IGSF3: variants seen among roughly 807,000 people sequenced by gnomAD.
IGSF3 encodes glu-Trp-Ile EWI motif-containing protein 3.
A neutral mutation model predicts 114.4 loss-of-function variants in IGSF3; 23 were observed. That is an observed-to-expected ratio of 0.20 (90% CI 0.14 to 0.28). The LOEUF (loss-of-function observed/expected upper bound fraction) is 0.28. Ranked by LOEUF, IGSF3 falls within the 10% of genes least tolerant of loss-of-function variation. The pLI is 1.00. For synonymous variants in IGSF3, 571 were observed against 645.2 expected, an observed-to-expected ratio of 0.88 and a Z score of 1.74; for missense variants, 1,172 against 1,591.5, an observed-to-expected ratio of 0.74 and a Z score of 4.48.
chr1:116,577,506 A>G lies in IGSF3; in HGVS notation c.3391T>C (p.Phe1131Leu). The G allele has an allele frequency of 6.2e-7, 1 of 1,614,156 alleles. No individual in the cohort carries two copies. The highest frequency in any genetic ancestry group is 8.5e-7 in the Non-Finnish European group (1 of 1,180,002). ...SNDALFYFVF[F>L]YPFPIFGILI... ...ATGCCAAAGATGGGGAAAGGGTAGAAGAAGACGAAGTAGAAGAGTGCGTCG... is the reference window on the plus strand; with the variant it reads ...ATGCCAAAGATGGGGAAAGGGTAGAGGAAGACGAAGTAGAAGAGTGCGTCG... The change falls in exon 11 of 11, where the codon TTC (phenylalanine) becomes CTC (leucine). Residue 1131 changes from phenylalanine to leucine, a missense_variant. Phe to Leu is a conservative substitution (Grantham distance 22). This residue lies in a region of IGSF3 where 423 missense variants were observed against 509.8 expected (regional missense o/e 0.83). Transcript: ENST00000369486. This position sits in a 1 kb window ranked among gnomAD's most constrained non-coding sequence, Gnocchi z 5.7.
rs534085520 is a variant in IGSF3 at position 116,634,294 on chromosome 1, A to G, written c.44-17837T>C. On this transcript the variant is annotated intron_variant, in intron 2 of 10. Coordinates refer to ENST00000369486, the MANE Select transcript of IGSF3 (RefSeq NM_001007237.3). The surrounding 1 kb of genome is among the most constrained non-coding windows in gnomAD (Gnocchi z 4.2). ...ATTTCTCCTAATAAAACGCTGTTTA[A>G]AAATCTAAGAGGAAAAAAGGGTAGG... is the stretch of plus-strand genomic sequence containing the variant. Among the ~76,000 whole-genome samples, 1 of 152,378 alleles carries G rather than the reference A, an allele frequency of 6.6e-6. No homozygotes were observed. Among genetic ancestry groups the G allele is most frequent in the Admixed American group, 6.5e-5 (1 of 15,308 alleles).
rs1416887127 is a variant in IGSF3, at chr1:116,577,325, C to T, written c.3572G>A (p.Gly1191Glu). ...LEPPVLSIHP[G>E]AID ...GGCATCACCCGCTTAGTCTATGGCC[C>T]CTGGATGGATACTGAGAACAGGGGG... The change falls in exon 11 of 11, where the codon GGG (glycine) becomes GAG (glutamate). Residue 1191 changes from glycine (G) to glutamate (E), a missense_variant. By Grantham distance (98) the Gly-to-Glu change is moderately conservative. Transcript: ENST00000369486. This position sits in a 1 kb window ranked among gnomAD's most constrained non-coding sequence, Gnocchi z 5.7. 2.5e-6 allele frequency: 4 copies of T among 1,613,898 alleles called. No homozygotes were observed. The highest frequency in any genetic ancestry group is 3.3e-5 in the Admixed American group (2 of 60,016).
At position 116,615,017 on chromosome 1, in the gene IGSF3, A is replaced by G. The variant is rs1406121660; in HGVS notation, c.422-842T>C. On this transcript the variant is annotated intron_variant, in intron 3 of 10. Coordinates refer to ENST00000369486, the MANE Select transcript of IGSF3 (RefSeq NM_001007237.3). The surrounding 1 kb of genome is among the most constrained non-coding windows in gnomAD (Gnocchi z 4.3). ...CGGCCAAGTGCGGTGGCTCACACCT[A>G]TAATCCCAACACTTTGGGAGGGTGA... 6.6e-6 allele frequency among the ~76,000 whole-genome samples: 1 copy of G among 151,882 alleles called. No homozygotes were observed. The highest frequency in any genetic ancestry group is 1.5e-5 in the Non-Finnish European group (1 of 67,978).
Position 116,608,326 on chromosome 1 carries a change from C to T in IGSF3, c.838G>A (p.Glu280Lys), listed in dbSNP as rs1660878014. Residue 280 changes from glutamate (E) to lysine (K), a missense_variant, in exon 5 of 11, where the codon GAA becomes AAA. Glu to Lys is a moderately conservative substitution (Grantham distance 56). Transcript: ENST00000369486. ...AVVNVQPTDK[E>K]FTVRLETEKR... ...TCTGTCTCCAGCCGAACAGTGAATTCTTTGTCTGAGAGAACAAGTAAGAAA... is the reference window on the plus strand; with the variant it reads ...TCTGTCTCCAGCCGAACAGTGAATTTTTTGTCTGAGAGAACAAGTAAGAAA... The T allele has an allele frequency of 6.2e-7, 1 of 1,611,972 alleles. No individual in the cohort carries two copies. Among genetic ancestry groups the T allele is most frequent in the Admixed American group, 1.7e-5 (1 of 59,868 alleles).
At chr1:116,619,115 T>G (rs1367631864) in intron 2 of IGSF3, among the ~76,000 whole-genome samples, 1 of 152,196 alleles carries the variant, frequency 6.6e-6, no homozygotes, top group African/African-American at 2.4e-5. Context: ...AGTGCTCAAA[T>G]GAAATATCTT....
intron 2 of IGSF3, among the ~76,000 whole-genome samples, chr1:116,617,933 CT>C (rs1442894348): frequency 4.6e-5 from 7 of 152,254 alleles, no homozygotes; most frequent in Non-Finnish European, 5.9e-5. Flanking sequence ...GATAGCTTCC[CT>C]TTTCCCCCAC....
In IGSF3 at chr1:116,588,651, A is replaced by G. The variant is rs575519865; in HGVS notation, c.2440+43T>C. On this transcript the variant is annotated intron_variant, in intron 8 of 10. Coordinates refer to ENST00000369486, the MANE Select transcript of IGSF3 (RefSeq NM_001007237.3). This position sits in a 1 kb window ranked among gnomAD's most constrained non-coding sequence, Gnocchi z 4.9. ...CCACCCACCCCCAGGCAGTCTCTGC[A>G]CTAAACCCACTGGCCCAGGACAGCC... The G allele has an allele frequency of 5.6e-6, 8 of 1,425,054 alleles. No homozygotes were observed. The East Asian group carries it at 1.8e-4, about 33-fold the overall frequency. The allele number at this position is 1,425,054 out of a possible 1,614,324, so 88.3% of individuals were successfully genotyped here.
At position 116,626,583 on chromosome 1, in the gene IGSF3, T is replaced by C. The variant is rs577592098; in HGVS notation, c.44-10126A>G. On this transcript the variant is annotated intron_variant, in intron 2 of 10. Coordinates refer to ENST00000369486, the MANE Select transcript of IGSF3 (RefSeq NM_001007237.3). ...AATTTGTACAATCCCCAGCTTCTCT[T>C]ATCCATGACCATTGAAACCCCAGGG... is the stretch of plus-strand genomic sequence containing the variant. Among the ~76,000 whole-genome samples, 50 of 152,186 alleles carry C rather than the reference T, an allele frequency of 3.3e-4. 1 individual carries two copies. Among genetic ancestry groups the C allele is most frequent in the Admixed American group, 2.0e-4 (3 of 15,284 alleles).
chr1:116,613,264 G>C (rs1375037606), intron 4 of IGSF3, among the ~76,000 whole-genome samples: 1 of 152,136 alleles, frequency 6.6e-6, no homozygotes, highest in Non-Finnish European at 1.5e-5. Context: ...ACTATTATTA[G>C]ATAAAAAATA....
In IGSF3 at chr1:116,662,259, C is replaced by T. The variant is rs143502833; in HGVS notation, c.43+4025G>A. Among the ~76,000 whole-genome samples, 1,041 of 152,052 alleles carry T rather than the reference C, an allele frequency of 6.8e-3. 12 individuals are homozygous for T. The highest frequency in any genetic ancestry group is 0.024 in the African/African-American group (976 of 41,450). ...CTAATTTTTGTATTTTTAGTACAGA[C>T]GGTGTTTCACCATGTTGGCCAGGCT... is the stretch of plus-strand genomic sequence containing the variant. On this transcript the variant is annotated intron_variant, in intron 2 of 10. Transcript: ENST00000369486. This position sits in a 1 kb window ranked among gnomAD's most constrained non-coding sequence, Gnocchi z 4.3.
chr1:116,664,054 C>A lies in IGSF3; in HGVS notation c.43+2230G>T, dbSNP rs774214329. Among the ~76,000 whole-genome samples, 1 of 152,200 alleles carries A rather than the reference C, an allele frequency of 6.6e-6. No homozygotes were observed. Among genetic ancestry groups the A allele is most frequent in the African/African-American group, 2.4e-5 (1 of 41,456 alleles). ...TTGCTCCCTCCCCAAACGCCTTCTA[C>A]CTCTCCCAGATTAGTAAAGTAGTAG... On this transcript the variant is annotated intron_variant, in intron 2 of 10. Coordinates refer to ENST00000369486, the MANE Select transcript of IGSF3 (RefSeq NM_001007237.3). This position sits in a 1 kb window ranked among gnomAD's most constrained non-coding sequence, Gnocchi z 4.6.
chr1:116,623,567 G>A (rs1661483015), intron 2 of IGSF3, among the ~76,000 whole-genome samples: 1 of 152,072 alleles, frequency 6.6e-6, no homozygotes, highest in African/African-American at 2.4e-5. Context: ...ACGCTATCAG[G>A]AGGCTGAGGC....
In IGSF3 at chr1:116,588,167, A is replaced by C. The variant is rs1419517547; in HGVS notation, c.2440+527T>G. 6.6e-6 allele frequency among the ~76,000 whole-genome samples: 1 copy of C among 152,098 alleles called. No individual in the cohort carries two copies. The highest frequency in any genetic ancestry group is 1.5e-5 in the Non-Finnish European group (1 of 67,996). ...AGAGGTTGAGTGCCACCTGTGAGGG[A>C]GAGGAATAAGGGCTACACCATGGGA... On this transcript the variant is annotated intron_variant, in intron 8 of 10. Coordinates refer to ENST00000369486, the MANE Select transcript of IGSF3 (RefSeq NM_001007237.3). This position sits in a 1 kb window ranked among gnomAD's most constrained non-coding sequence, Gnocchi z 4.9.
rs1313674372 is a variant in IGSF3, at chr1:116,598,681, C to A, written c.2029+1260G>T. 1.3e-5 allele frequency among the ~76,000 whole-genome samples: 2 copies of A among 152,220 alleles called. No homozygotes were observed. Among genetic ancestry groups the A allele is most frequent in the African/African-American group, 2.4e-5 (1 of 41,454 alleles). On this transcript the variant is annotated intron_variant, in intron 7 of 10. Coordinates refer to ENST00000369486, the MANE Select transcript of IGSF3 (RefSeq NM_001007237.3). This position sits in a 1 kb window ranked among gnomAD's most constrained non-coding sequence, Gnocchi z 4.3. ...AGAAAAATCCCTTTGGCAAGGCGTT[C>A]CAGCCATCTTTGCAAAGTCAAACCC...
In IGSF3 at chr1:116,585,871, A is replaced by C. The variant is rs1250464723; in HGVS notation, c.2441-819T>G. Among the ~76,000 whole-genome samples the C allele has an allele frequency of 1.3e-5, 2 of 152,250 alleles. No homozygotes were observed. Among genetic ancestry groups the C allele is most frequent in the Non-Finnish European group, 2.9e-5 (2 of 68,036 alleles). On this transcript the variant is annotated intron_variant, in intron 8 of 10. Transcript: ENST00000369486. This position sits in a 1 kb window ranked among gnomAD's most constrained non-coding sequence, Gnocchi z 4.9. ...TGCCATTGCACACTCCAGCCTGTGC[A>C]ACAGAGTGAGACTGTCTCAAAAAAA...
rs1557876570 is a variant in IGSF3, at chr1:116,624,820, G to T, written c.44-8363C>A. On this transcript the variant is annotated intron_variant, in intron 2 of 10. Coordinates refer to ENST00000369486, the MANE Select transcript of IGSF3 (RefSeq NM_001007237.3). The surrounding 1 kb of genome is among the most constrained non-coding windows in gnomAD (Gnocchi z 4.9). ...GCCAACGGTCCTGAGGCCATGCTGT[G>T]AGGGGGCCCAAGGCACATGGAGAGG... is the stretch of plus-strand genomic sequence containing the variant. 6.6e-6 allele frequency among the ~76,000 whole-genome samples: 1 copy of T among 152,198 alleles called. No individual in the cohort carries two copies. The highest frequency in any genetic ancestry group is 1.5e-5 in the Non-Finnish European group (1 of 68,044).
chr1:116,618,591 T>C lies in IGSF3; in HGVS notation c.44-2134A>G, dbSNP rs1661303219. 6.6e-6 allele frequency among the ~76,000 whole-genome samples: 1 copy of C among 152,130 alleles called. No homozygotes were observed. The highest frequency in any genetic ancestry group is 2.4e-5 in the African/African-American group (1 of 41,410). On this transcript the variant is annotated intron_variant, in intron 2 of 10. Coordinates refer to ENST00000369486, the MANE Select transcript of IGSF3 (RefSeq NM_001007237.3). This position sits in a 1 kb window ranked among gnomAD's most constrained non-coding sequence, Gnocchi z 4.7. ...CCATAATAAAATATATAAATGAAAATATATATCCCATCTAGGTTTGTTGAA... is the reference window on the plus strand; with the variant it reads ...CCATAATAAAATATATAAATGAAAACATATATCCCATCTAGGTTTGTTGAA...
intron 8 of IGSF3, among the ~76,000 whole-genome samples, chr1:116,587,479 G>A (rs999248334): frequency 7.0e-6 from 1 of 142,424 alleles, no homozygotes; most frequent in Admixed American, 7.0e-5. Flanking sequence ...CAGGCTGACA[G>A]AACAATAAGT....
rs558778553 is a variant in IGSF3 at position 116,614,659 on chromosome 1, A to G, written c.422-484T>C. Among the ~76,000 whole-genome samples the G allele has an allele frequency of 1.2e-4, 19 of 152,152 alleles. No individual in the cohort carries two copies. Among genetic ancestry groups the G allele is most frequent in the Non-Finnish European group, 2.2e-4 (15 of 68,028 alleles). On this transcript the variant is annotated intron_variant, in intron 3 of 10. Transcript: ENST00000369486. The surrounding 1 kb of genome is among the most constrained non-coding windows in gnomAD (Gnocchi z 4.5). ...CCCCATCCTGTAACTTACTTCAGCAATGCAGCCCTAGGAAGATGATTTTTT... is the reference window on the plus strand; with the variant it reads ...CCCCATCCTGTAACTTACTTCAGCAGTGCAGCCCTAGGAAGATGATTTTTT...
Sources: gnomAD v4.1 joint callset for allele counts (sites outside exome capture counted in the v4.1 genomes callset) on GRCh38, gnomAD v4.1.1 for gene constraint, gnomAD v4.1.1 regional missense constraint, Gnocchi (gnomAD v3.1) non-coding constraint, MANE v1.5 for transcripts, NCBI Gene and HGNC (gene_info 2026-07-23, HGNC 2026-07-21) for gene names.